MAIP1: variants seen among roughly 807,000 people sequenced by gnomAD.
MAIP1 encodes the protein matrix AAA peptidase interacting protein 1, also known as m-AAA protease-interacting protein 1, mitochondrial.
In MAIP1, 28 loss-of-function variants were observed where a neutral mutation model predicts 31.2. The ratio of observed to expected loss-of-function variants is 0.90; its 90% CI spans 0.67 to 1.23. The LOEUF is 1.23. MAIP1 is among the 50% of genes most tolerant of loss of function. The pLI is 0.00. For missense variants in MAIP1, 339 were observed against 356.0 expected (o/e 0.95, Z 0.38); for synonymous variants, 142 against 142.3 (o/e 1.00, Z 0.02).
intron 4 of MAIP1, among the ~76,000 whole-genome samples, chr2:199,963,423 A>T (rs566847534): frequency 1.8e-4 from 28 of 152,284 alleles, no homozygotes; most frequent in African/African-American, 5.8e-4. Context: ...CTAGTATTTA[A>T]CACATACTAG....
At position 199,959,890 on chromosome 2, in the gene MAIP1, G is replaced by C. The variant is rs752089503; in HGVS notation, c.649+10G>C. On this transcript the variant is annotated intron_variant, in intron 3 of 4. Transcript: ENST00000392290. ...TACTATGATGAGAAAGGTAATACCA[G>C]AGCATAGTCAACTTGAAATGATCCA... 1 of 1,608,478 alleles carries C rather than the reference G, an allele frequency of 6.2e-7. No homozygotes were observed. Among genetic ancestry groups the C allele is most frequent in the Non-Finnish European group, 8.5e-7 (1 of 1,177,634 alleles).
rs2077650075 is a variant in MAIP1 at position 199,964,080 on chromosome 2, A to G, written c.*269A>G. On this transcript the variant is annotated 3_prime_UTR_variant, in exon 5 of 5. Coordinates refer to ENST00000392290, the MANE Select transcript of MAIP1 (RefSeq NM_001394955.1). The stretch of plus-strand genomic sequence containing the variant: ...AATAACATTTCCAATGCTACATATA[A>G]TTTTATAGACATAATAAAGAAGGTA... The G allele has an allele frequency of 4.5e-6, 1 of 219,980 alleles. No homozygotes were observed. The highest frequency in any genetic ancestry group is 1.1e-4 in the South Asian group (1 of 8,754). The allele number at this position is 219,980 out of a possible 1,614,324, so 13.6% of individuals were successfully genotyped here.
At chr2:199,961,307 A>T (rs1172305445) in intron 3 of MAIP1, among the ~76,000 whole-genome samples, 2 of 152,028 alleles carry the variant, frequency 1.3e-5, no homozygotes, top group Non-Finnish European at 2.9e-5. Flanking sequence ...TACTGAAAAT[A>T]TGAAAAAATA....
upstream of MAIP1, chr2:199,955,577 C>A: frequency 7.1e-7 from 1 of 1,415,588 alleles, no homozygotes; most frequent in Non-Finnish European, 9.6e-7. Flanking sequence ...GTCCGCGAGG[C>A]CGGCAGACTC....
intron 1 of MAIP1, among the ~76,000 whole-genome samples, chr2:199,958,948 A>G (rs1336908514): frequency 1.3e-5 from 2 of 152,196 alleles, no homozygotes; most frequent in African/African-American, 2.4e-5. Context: ...ATAACTGCCA[A>G]ATGATTGTTT....
rs186781222 is a variant in MAIP1 at position 199,958,535 on chromosome 2, C to G, written c.451-733C>G. ...TTCCTTTAGGAAGCCCTCTCTGATC[C>G]TCCCAGATTGGGTTAGAAGGCTCTT... is the stretch of plus-strand genomic sequence containing the variant. On this transcript the variant is annotated intron_variant, in intron 1 of 4. Transcript: ENST00000392290. Among the ~76,000 whole-genome samples, 34 of 152,290 alleles carry G rather than the reference C, an allele frequency of 2.2e-4. 1 individual carries two copies. The East Asian group carries it at 6.2e-3, about 28-fold the overall frequency.
upstream of MAIP1, chr2:199,955,392 C>A (rs759590830): frequency 8.7e-6 from 14 of 1,613,406 alleles, no homozygotes; most frequent in South Asian, 1.4e-4. Flanking sequence ...GAGGGCCTCA[C>A]CTGTGGGTAG....
Position 199,961,932 on chromosome 2 carries a change from A to C in MAIP1, c.797+4A>C, listed in dbSNP as rs201762968. On this transcript the variant is annotated splice_donor_region_variant and intron_variant, in intron 4 of 4. Coordinates refer to ENST00000392290, the MANE Select transcript of MAIP1 (RefSeq NM_001394955.1). The stretch of plus-strand genomic sequence containing the variant: ...AACTTCTTAGTGCAAGCTATGAGTA[A>C]GTTTAATCAGATTTCATTGTTTCCT... 3.3e-4 allele frequency: 535 copies of C among 1,607,818 alleles called. No homozygotes were observed. The highest frequency in any genetic ancestry group is 4.5e-4 in the Non-Finnish European group (524 of 1,176,910).
At chr2:199,956,575 A>G (rs574826018) in intron 1 of MAIP1, among the ~76,000 whole-genome samples, 1 of 152,356 alleles carries the variant, frequency 6.6e-6, no homozygotes, top group East Asian at 1.9e-4. Flanking sequence ...AGAAAAAGCT[A>G]TATGGCTCAT....
Position 199,955,999 on chromosome 2 carries a change from T to G in MAIP1, c.201T>G (p.Pro67=). ...GGGCCTTGGCAGCCTCGGCGCTACC[T>G]GCCCAGGGCTCCCGGTGGCCAGTGC... ...SARALAASAL[P]AQGSRWPVLS... Residue 67 remains proline, a synonymous_variant, in exon 1 of 5, where the codon CCT becomes CCG. Transcript: ENST00000392290. 1 of 1,611,400 alleles carries G rather than the reference T, an allele frequency of 6.2e-7. No homozygotes were observed. Among genetic ancestry groups the G allele is most frequent in the Non-Finnish European group, 8.5e-7 (1 of 1,178,922 alleles).
At chr2:199,955,433 C>T (rs1444186528), upstream of MAIP1, 2 of 1,613,950 alleles carry the variant, frequency 1.2e-6, no homozygotes, top group Admixed American at 3.3e-5. Flanking sequence ...CCGAGAAACG[C>T]CCTCCAGCCG....
In MAIP1 at chr2:199,955,881, C is replaced by A; in HGVS notation, c.83C>A (p.Ala28Asp). Residue 28 changes from alanine (A) to aspartate (D), a missense_variant, in exon 1 of 5, where the codon GCT (alanine) becomes GAT (aspartate). By Grantham distance (126) the Ala-to-Asp change is moderately radical (BLOSUM62 -2). Transcript: ENST00000392290. Reference sequence around the variant, plus strand: ...GGGGCCGTCCGACTCCGGACTCCTGCTGTGGCCGAGGTGAGGCTGCCGTCG... The same window carrying A: ...GGGGCCGTCCGACTCCGGACTCCTGATGTGGCCGAGGTGAGGCTGCCGTCG... ...PCGAVRLRTP[A>D]VAEVRLPSAT... The A allele has an allele frequency of 6.4e-7, 1 of 1,559,572 alleles. No individual in the cohort carries two copies. Among genetic ancestry groups the A allele is most frequent in the Non-Finnish European group, 8.7e-7 (1 of 1,152,550 alleles).
chr2:199,956,300 G>T, intron 1 of MAIP1, 52 bp downstream of exon 1: 1 of 1,397,488 alleles, frequency 7.2e-7, no homozygotes, highest in Non-Finnish European at 9.9e-7. Context: ...TTCAACTATT[G>T]CTCGCAGAAG....
At chr2:199,963,549 T>A (rs186594111) in intron 4 of MAIP1, among the ~76,000 whole-genome samples, 184 bp from the exon 5 acceptor site, 296 of 152,328 alleles carry the variant, frequency 1.9e-3, no homozygotes, top group Middle Eastern at 6.8e-3. Flanking sequence ...TACTTCAATT[T>A]TGTGGGTATA....
Position 199,955,635 on chromosome 2 carries a change from C to A in MAIP1, c.-164C>A. 8.7e-7 allele frequency: 1 copy of A among 1,152,338 alleles called. No homozygotes were observed. Among genetic ancestry groups the A allele is most frequent in the Non-Finnish European group, 1.2e-6 (1 of 831,932 alleles). 71.4% of individuals were successfully genotyped at this position (1,152,338 alleles called of 1,614,324 possible). On this transcript the variant is annotated 5_prime_UTR_variant, in exon 1 of 5. Transcript: ENST00000392290. ...GGGGCGGGTTGCCGAAGGGCCTCGG[C>A]CTGGGCTGCGTGCTGGAGAGCGGGG...
Position 199,963,861 on chromosome 2 carries a change from T to A in MAIP1, c.*50T>A. The A allele has an allele frequency of 8.3e-7, 1 of 1,202,574 alleles. No homozygotes were observed. Among genetic ancestry groups the A allele is most frequent in the Non-Finnish European group, 1.2e-6 (1 of 826,330 alleles). 74.5% of individuals were successfully genotyped at this position (1,202,574 alleles called of 1,614,324 possible). A position where few individuals can be genotyped will look rare whatever the true frequency, so the allele number is the denominator to read the frequency against. The stretch of plus-strand genomic sequence containing the variant: ...GACTTTAGCAGTTGCTGTGAAAAAC[T>A]AAGGAAGAAAAATTTTGGGGTCATT... On this transcript the variant is annotated 3_prime_UTR_variant, in exon 5 of 5. Coordinates refer to ENST00000392290, the MANE Select transcript of MAIP1 (RefSeq NM_001394955.1).
chr2:199,955,565 A>G, upstream of MAIP1: 1 of 1,469,132 alleles, frequency 6.8e-7, no homozygotes, highest in Non-Finnish European at 9.2e-7. Context: ...GACAGAGAAA[A>G]GGTCCGCGAG....
intron 3 of MAIP1, among the ~76,000 whole-genome samples, chr2:199,960,575 C>T (rs1281569450): frequency 1.3e-5 from 2 of 151,978 alleles, no homozygotes; most frequent in Admixed American, 1.3e-4. Flanking sequence ...GTCATTATTC[C>T]TCAATAATAC....
At chr2:199,961,321 G>A (rs1027563935) in intron 3 of MAIP1, among the ~76,000 whole-genome samples, 12 of 151,980 alleles carry the variant, frequency 7.9e-5, no homozygotes, top group African/African-American at 1.7e-4. Flanking sequence ...AAAAATAGCC[G>A]GGCATGGTGG....
Sources: allele counts gnomAD v4.1 joint callset (sites outside exome capture counted in the v4.1 genomes callset), GRCh38; gene constraint gnomAD v4.1.1; transcripts MANE v1.5; gene names NCBI Gene and HGNC (gene_info 2026-07-23, HGNC 2026-07-21).